Variants in WDFY4 observed in about 807,000 individuals in gnomAD.
The protein encoded by WDFY4 is WDFY family member 4, also known as WD repeat- and FYVE domain-containing protein 4.
A neutral mutation model predicts 351.9 loss-of-function variants in WDFY4; 169 were observed. The ratio of observed to expected loss-of-function variants is 0.48; its 90% CI spans 0.42 to 0.55. WDFY4 has a LOEUF of 0.55. Among genes scored for constraint, WDFY4 ranks in the 20% least tolerant of loss-of-function variants. The probability of loss-of-function intolerance (pLI) is 0.00; values close to 1 mark genes in which losing one functional copy is unlikely to be tolerated. For synonymous variants in WDFY4, 1,622 were observed against 1,574.6 expected, an observed-to-expected ratio of 1.03 and a Z score of -0.71; for missense variants, 3,803 against 3,935.6, an observed-to-expected ratio of 0.97 and a Z score of 0.90.
chr10:48,884,359 A>G (rs568502005), intron 43 of WDFY4: 1 of 152,264 alleles, frequency 6.6e-6, no homozygotes, highest in South Asian at 2.1e-4. Context: ...AAAACAACAC[A>G]TGTCATTCCT....
intron 40 of WDFY4, 98 bp from the exon 41 acceptor site, chr10:48,873,393 A>G (rs1564436886): frequency 7.5e-7 from 1 of 1,328,304 alleles, no homozygotes; most frequent in East Asian, 2.5e-5. Context: ...TCAAACATTC[A>G]TGGGAGACTT....
In WDFY4 at chr10:48,716,249, G is replaced by A. The variant is rs113276284; in HGVS notation, c.235-3762G>A. On this transcript the variant is annotated intron_variant, in intron 2 of 61. Transcript: ENST00000325239. ...ATGGAGTAATAATGACATTTTGTTC[G>A]TGCTGGAATACCAACCATGTTCTCT... 8.6e-3 allele frequency among the ~76,000 whole-genome samples: 1,305 copies of A among 152,116 alleles called. 8 individuals carry two copies. The highest frequency in any genetic ancestry group is 0.029 in the African/African-American group (1,217 of 41,482).
intron 52 of WDFY4, among the ~76,000 whole-genome samples, chr10:48,958,323 C>T (rs762619647): frequency 6.6e-6 from 1 of 152,140 alleles, no homozygotes. Context: ...GAGAAGTGAA[C>T]AAATTCAAAG....
intron 40 of WDFY4, among the ~76,000 whole-genome samples, chr10:48,869,584 C>G (rs974110548): frequency 1.3e-5 from 2 of 151,692 alleles, no homozygotes; most frequent in Admixed American, 6.6e-5. Flanking sequence ...AAAAAGTTGC[C>G]TCTACAGTCT....
chr10:48,838,852 T>G (rs2068498105), intron 39 of WDFY4, among the ~76,000 whole-genome samples: 1 of 152,240 alleles, frequency 6.6e-6, no homozygotes, highest in Non-Finnish European at 1.5e-5. Flanking sequence ...TGTGCAGAAC[T>G]GGAAGGCTTT....
chr10:48,731,708 C>A, intron 9 of WDFY4, 146 bp downstream of exon 9: 1 of 1,049,544 alleles, frequency 9.5e-7, no homozygotes, highest in Non-Finnish European at 1.3e-6. Flanking sequence ...CACAGTTTCA[C>A]AAAAGACAGG....
intron 1 of WDFY4, among the ~76,000 whole-genome samples, chr10:48,700,006 G>A (rs11101431): frequency 0.27 from 40,472 of 152,030 alleles, 6,193 homozygotes; most frequent in East Asian, 0.66. Context: ...TGGGGCTGGG[G>A]TTCAGAAATC....
At chr10:48,779,537 C>A (rs76024898) in intron 18 of WDFY4, among the ~76,000 whole-genome samples, 25 of 152,288 alleles carry the variant, frequency 1.6e-4, no homozygotes, top group African/African-American at 5.5e-4. Context: ...CTATCCAACT[C>A]TCTGGGACTC....
intron 8 of WDFY4, among the ~76,000 whole-genome samples, chr10:48,729,979 G>A (rs1042877289): frequency 6.6e-6 from 1 of 152,196 alleles, no homozygotes; most frequent in African/African-American, 2.4e-5. Flanking sequence ...CTGTGTGGCA[G>A]GCACTCTGCC....
chr10:48,790,716 A>C lies in WDFY4; in HGVS notation c.4067-11A>C. The C allele has an allele frequency of 6.4e-7, 1 of 1,550,440 alleles. No individual in the cohort carries two copies. On this transcript the variant is annotated splice_polypyrimidine_tract_variant and intron_variant, in intron 22 of 61. Transcript: ENST00000325239. ...GACATGTTGATGAAATGCCCACTTTATGCCACACAGGGGTGAGGGTATTCC... is the reference window on the plus strand; with the variant it reads ...GACATGTTGATGAAATGCCCACTTTCTGCCACACAGGGGTGAGGGTATTCC...
At chr10:48,897,650 C>A in intron 45 of WDFY4, 76 bp downstream of exon 45, 2 of 1,509,418 alleles carry the variant, frequency 1.3e-6, no homozygotes, top group Non-Finnish European at 1.8e-6. Context: ...AGGAGCCATC[C>A]AGAGACACAC....
At chr10:48,827,896 T>C (rs969766690) in intron 36 of WDFY4, among the ~76,000 whole-genome samples, 48 of 152,014 alleles carry the variant, frequency 3.2e-4, no homozygotes, top group Non-Finnish European at 6.0e-4. Context: ...GGGAAGTTTT[T>C]TTTTTTTCTT....
rs1398400445 is a variant in WDFY4, at chr10:48,828,768, T to C, written c.6222-10T>C. 1 of 1,486,000 alleles carries C rather than the reference T, an allele frequency of 6.7e-7. No homozygotes were observed. The allele number at this position is 1,486,000 out of a possible 1,614,324, so 92.1% of individuals were successfully genotyped here. A position where few individuals can be genotyped will look rare whatever the true frequency, so the allele number is the denominator to read the frequency against. ...TATTGGATTTTAGTGAAAAATCTCT[T>C]ATCCACTAGTTACCCAGAAGGATTT... On this transcript the variant is annotated splice_polypyrimidine_tract_variant and intron_variant, in intron 36 of 61. Transcript: ENST00000325239.
At chr10:48,936,419 T>C (rs1840363291) in intron 47 of WDFY4, among the ~76,000 whole-genome samples, 1 of 152,124 alleles carries the variant, frequency 6.6e-6, no homozygotes, top group Admixed American at 6.5e-5. Context: ...GAATACATAA[T>C]TTAAAATTGA....
chr10:48,753,076 T>C (rs2065232452), intron 12 of WDFY4, among the ~76,000 whole-genome samples: 1 of 152,168 alleles, frequency 6.6e-6, no homozygotes, highest in African/African-American at 2.4e-5. Context: ...GGGCATGGAG[T>C]GTTATCTCAT....
At chr10:48,847,418 G>A (rs979212218) in intron 39 of WDFY4, among the ~76,000 whole-genome samples, 4 of 152,254 alleles carry the variant, frequency 2.6e-5, no homozygotes, top group Admixed American at 6.5e-5. Flanking sequence ...AGTGCCTCAC[G>A]TCTCAATACA....
intron 44 of WDFY4, among the ~76,000 whole-genome samples, chr10:48,892,775 TA>T (rs35088187): frequency 2.0e-5 from 3 of 152,350 alleles, no homozygotes; most frequent in Admixed American, 6.5e-5. Context: ...CGATGTACCA[TA>T]AAAACATCCA....
intron 39 of WDFY4, among the ~76,000 whole-genome samples, chr10:48,865,637 C>T (rs1013076011): frequency 6.6e-6 from 1 of 152,172 alleles, no homozygotes; most frequent in African/African-American, 2.4e-5. Context: ...GAAAAACTGC[C>T]GTGAATTCTT....
intron 51 of WDFY4, among the ~76,000 whole-genome samples, chr10:48,954,420 A>C (rs1841487540): frequency 1.3e-5 from 2 of 152,238 alleles, no homozygotes; most frequent in Admixed American, 1.3e-4. Context: ...ATTCCAGAGC[A>C]GCTCTTGGTT....
Sources: gnomAD v4.1 joint callset for allele counts (sites outside exome capture counted in the v4.1 genomes callset) on GRCh38, gnomAD v4.1.1 for gene constraint, MANE v1.5 for transcripts, NCBI Gene and HGNC (gene_info 2026-07-23, HGNC 2026-07-21) for gene names.